Variants in FAM107B observed in about 807,000 individuals in gnomAD.
FAM107B encodes the protein family with sequence similarity 107 member B.
FAM107B carries 21 observed loss-of-function variants against 31.5 expected under a neutral mutation model. The observed-to-expected ratio is 0.67, with a 90% CI of 0.47 to 0.96. The LOEUF (loss-of-function observed/expected upper bound fraction) is 0.96, where lower values mean the gene tolerates loss of function less well. FAM107B is among the 40% of genes least tolerant of loss of function. The probability of loss-of-function intolerance (pLI) is 0.00; values close to 1 mark genes in which losing one functional copy is unlikely to be tolerated. For synonymous variants in FAM107B, 157 were observed against 141.5 expected (o/e 1.11, Z -0.78); for missense variants, 452 against 377.1 (o/e 1.20, Z -1.64).
At chr10:14,640,667 T>A (rs1469761970) in intron 2 of FAM107B, among the ~76,000 whole-genome samples, 3 of 152,226 alleles carry the variant, frequency 2.0e-5, no homozygotes, top group Non-Finnish European at 2.9e-5. Context: ...AAATCCTAGT[T>A]AATATCACAG....
At chr10:14,684,802 A>G (rs199508832) in intron 1 of FAM107B, among the ~76,000 whole-genome samples, 2 of 143,842 alleles carry the variant, frequency 1.4e-5, no homozygotes, top group South Asian at 4.3e-4. Context: ...ATTTCCTTTC[A>G]CTTCTTCAGT....
At chr10:14,672,007 G>A (rs1854568583) in intron 1 of FAM107B, among the ~76,000 whole-genome samples, 1 of 151,808 alleles carries the variant, frequency 6.6e-6, no homozygotes, top group African/African-American at 2.4e-5. Context: ...CCAGCTCTGG[G>A]AAATCAGGAG....
At chr10:14,673,680 C>T (rs560331641) in intron 1 of FAM107B, among the ~76,000 whole-genome samples, 1 of 152,202 alleles carries the variant, frequency 6.6e-6, no homozygotes, top group South Asian at 2.1e-4. Context: ...ATCATATGGT[C>T]GTTCTATTTT....
At chr10:14,723,028 C>T in intron 1 of FAM107B, 7 of 339,380 alleles carry the variant, frequency 2.1e-5, no homozygotes, top group South Asian at 1.7e-4. Flanking sequence ...CCGTCTTTTA[C>T]ATGTGTCTTA....
Position 14,636,704 on chromosome 10 carries a change from TG to T in FAM107B, c.469+30929del, listed in dbSNP as rs1257088312. On this transcript the variant is annotated intron_variant, in intron 2 of 4. Coordinates refer to ENST00000181796, the MANE Select transcript of FAM107B (RefSeq NM_031453.4). ...CTCAACATATGAATTTTAGGGGGGG[TG>T]GGGGAGTGGGTATGAAGATAATTCA... is the stretch of plus-strand genomic sequence containing the variant. Among the ~76,000 whole-genome samples, 3 of 141,822 alleles carry T rather than the reference TG, an allele frequency of 2.1e-5. No homozygotes were observed. In the East Asian group the frequency reaches 6.3e-4, roughly 30 times the overall value. 93.0% of individuals were successfully genotyped at this position (141,822 alleles called of 152,430 possible).
At chr10:14,677,950 C>G (rs1320661477) in intron 1 of FAM107B, among the ~76,000 whole-genome samples, 1 of 152,194 alleles carries the variant, frequency 6.6e-6, no homozygotes, top group Non-Finnish European at 1.5e-5. Flanking sequence ...CGACCATCAT[C>G]AAACTCTATT....
At chr10:14,589,458 T>G (rs1851948556) in intron 2 of FAM107B, among the ~76,000 whole-genome samples, 1 of 152,222 alleles carries the variant, frequency 6.6e-6, no homozygotes, top group South Asian at 2.1e-4. Context: ...GCTGGTAGGT[T>G]TTTAAAAATA....
At chr10:14,638,095 A>G (rs896182105) in intron 2 of FAM107B, among the ~76,000 whole-genome samples, 1 of 152,202 alleles carries the variant, frequency 6.6e-6, no homozygotes, top group Non-Finnish European at 1.5e-5. Context: ...CCCAACTCAG[A>G]TGGTCACCAA....
intron 1 of FAM107B, among the ~76,000 whole-genome samples, chr10:14,676,933 C>A (rs1258806671): frequency 1.3e-5 from 2 of 152,236 alleles, no homozygotes; most frequent in Admixed American, 6.5e-5. Flanking sequence ...CATCCACTGA[C>A]TTGGTTGACA....
chr10:14,742,576 C>A (rs12251835), intron 1 of FAM107B, among the ~76,000 whole-genome samples: 2 of 152,198 alleles, frequency 1.3e-5, no homozygotes, highest in Admixed American at 6.5e-5. Flanking sequence ...TCGTGAAATG[C>A]CTGCTGGATG....
chr10:14,531,205 G>A (rs777997271), intron 2 of FAM107B, among the ~76,000 whole-genome samples: 3 of 152,196 alleles, frequency 2.0e-5, no homozygotes, highest in Non-Finnish European at 2.9e-5. Flanking sequence ...GCCCACCGCT[G>A]TGCCACATGT....
At chr10:14,629,313 T>G (rs1205714795) in intron 2 of FAM107B, among the ~76,000 whole-genome samples, 3 of 122,350 alleles carry the variant, frequency 2.5e-5, no homozygotes, top group Non-Finnish European at 4.8e-5. Flanking sequence ...ATATAATATA[T>G]ATAATATATA....
chr10:14,680,243 G>C (rs1379731725), intron 1 of FAM107B, among the ~76,000 whole-genome samples: 2 of 152,066 alleles, frequency 1.3e-5, no homozygotes, highest in Non-Finnish European at 2.9e-5. Context: ...AAGTTATTAA[G>C]AGAATGAATC....
At chr10:14,586,538 G>A (rs1851845362) in intron 2 of FAM107B, among the ~76,000 whole-genome samples, 5 of 152,076 alleles carry the variant, frequency 3.3e-5, no homozygotes, top group South Asian at 2.1e-4. Context: ...TGGGATTAGT[G>A]CCCTTAGAAA....
At chr10:14,603,957 C>T (rs1588652693) in intron 2 of FAM107B, among the ~76,000 whole-genome samples, 3 of 148,970 alleles carry the variant, frequency 2.0e-5, no homozygotes, top group Admixed American at 2.0e-4. Flanking sequence ...AACAATGAGC[C>T]GGGCGGCCGC....
chr10:14,616,448 T>G (rs180873331), intron 2 of FAM107B, among the ~76,000 whole-genome samples: 1 of 152,348 alleles, frequency 6.6e-6, no homozygotes, highest in Non-Finnish European at 1.5e-5. Flanking sequence ...ATGCCTGAGC[T>G]GTAATCACAC....
chr10:14,595,798 G>A (rs1176714240), intron 2 of FAM107B, among the ~76,000 whole-genome samples: 2 of 152,152 alleles, frequency 1.3e-5, no homozygotes, highest in African/African-American at 2.4e-5. Flanking sequence ...CAAAGGCTGA[G>A]GCCAAAAGAG....
intron 1 of FAM107B, among the ~76,000 whole-genome samples, chr10:14,712,255 A>T (rs758721983): frequency 9.9e-5 from 15 of 152,120 alleles, no homozygotes; most frequent in Non-Finnish European, 2.9e-5. Flanking sequence ...ATATACATCT[A>T]CTTTATACTC....
At chr10:14,643,101 A>ATAGG (rs1009134701) in intron 2 of FAM107B, among the ~76,000 whole-genome samples, 6 of 99,190 alleles carry the variant, frequency 6.0e-5, no homozygotes, top group African/African-American at 2.2e-4. Context: ...CTGATTGGAG[A>ATAGG]TAGGTAGGTA....
Sources: gnomAD v4.1 joint callset for allele counts (sites outside exome capture counted in the v4.1 genomes callset) on GRCh38, gnomAD v4.1.1 for gene constraint, MANE v1.5 for transcripts, NCBI Gene and HGNC (gene_info 2026-07-23, HGNC 2026-07-21) for gene names.